TG: variants seen among roughly 807,000 people sequenced by gnomAD.
TG encodes the protein thyroid hormones.
Under a neutral mutation model 324.7 loss-of-function variants are expected in TG, and 270 were observed. The ratio of observed to expected loss-of-function variants is 0.83; its 90% CI spans 0.75 to 0.92. TG has a LOEUF of 0.92. Among genes scored for constraint, TG ranks in the 40% least tolerant of loss-of-function variants. TG has a pLI of 0.00. For synonymous variants in TG, 1,401 were observed against 1,327.0 expected (o/e 1.06, Z -1.21); for missense variants, 3,591 against 3,456.4 (o/e 1.04, Z -0.98).
chr8:133,118,337 T>C (rs1021190162), intron 45 of TG, among the ~76,000 whole-genome samples: 5 of 145,282 alleles, frequency 3.4e-5, no homozygotes, highest in African/African-American at 1.1e-4. Context: ...TTTTTTTTTT[T>C]TTTTTTTGAC....
intron 41 of TG, chr8:133,072,760 A>G (rs1410674282): frequency 6.6e-6 from 1 of 152,218 alleles, no homozygotes; most frequent in Non-Finnish European, 1.5e-5. Flanking sequence ...AGAATGGGGA[A>G]GTTTTCTTCT....
chr8:133,126,280 A>G (rs995314383), intron 45 of TG, among the ~76,000 whole-genome samples: 1 of 152,214 alleles, frequency 6.6e-6, no homozygotes, highest in Non-Finnish European at 1.5e-5. Context: ...AAAATGGAGT[A>G]TCTGCATGGT....
chr8:132,935,899 G>C, intron 25 of TG, 35 bp downstream of exon 25: 1 of 1,553,288 alleles, frequency 6.4e-7, no homozygotes, highest in African/African-American at 1.4e-5. Flanking sequence ...TAGGCCCGCG[G>C]TGGCTTCACA....
intron 41 of TG, chr8:133,049,266 T>C (rs1051276575): frequency 3.1e-5 from 13 of 417,168 alleles, no homozygotes; most frequent in Admixed American, 1.1e-4. Context: ...TACCCATTTT[T>C]CAAGGAAGGC....
intron 35 of TG, among the ~76,000 whole-genome samples, chr8:132,988,245 A>G (rs779235421): frequency 8.5e-5 from 13 of 152,278 alleles, no homozygotes; most frequent in Non-Finnish European, 1.9e-4. Flanking sequence ...AGCACCACAA[A>G]TATATTATGA....
intron 46 of TG, 122 bp downstream of exon 46, chr8:133,132,068 T>C: frequency 1.4e-6 from 2 of 1,464,776 alleles, no homozygotes. Flanking sequence ...GACACTATAA[T>C]CACCAGCCAC....
At chr8:132,930,936 A>G (rs1389813543) in intron 23 of TG, among the ~76,000 whole-genome samples, 1 of 152,238 alleles carries the variant, frequency 6.6e-6, no homozygotes, top group Non-Finnish European at 1.5e-5. Context: ...AGAGCAATCC[A>G]AGACAAGCAG....
intron 18 of TG, among the ~76,000 whole-genome samples, chr8:132,909,297 G>A (rs956694142): frequency 2.0e-5 from 3 of 152,188 alleles, no homozygotes; most frequent in Admixed American, 2.0e-4. Context: ...CTACAAGACT[G>A]GGTAGTAGTT....
chr8:132,960,313 G>T (rs1259219608), intron 27 of TG, among the ~76,000 whole-genome samples: 15 of 152,174 alleles, frequency 9.9e-5, no homozygotes, highest in Non-Finnish European at 4.4e-5. Context: ...CTCTCCTGTA[G>T]CATGGGGCTT....
intron 25 of TG, among the ~76,000 whole-genome samples, chr8:132,937,437 A>T (rs1823768160): frequency 6.6e-6 from 1 of 152,098 alleles, no homozygotes; most frequent in Non-Finnish European, 1.5e-5. Context: ...CTTCACAAAG[A>T]GTTTGCCTGG....
At chr8:133,002,429 T>C (rs946619261) in intron 35 of TG, 2 of 984,372 alleles carry the variant, frequency 2.0e-6, no homozygotes, top group Non-Finnish European at 2.4e-6. Flanking sequence ...ATAAGCCGCC[T>C]CACATCTTTC....
intron 26 of TG, 143 bp from the exon 27 acceptor site, chr8:132,948,633 C>A: frequency 1.0e-6 from 1 of 965,418 alleles, no homozygotes; most frequent in Non-Finnish European, 1.6e-6. Flanking sequence ...AATTTAAAAC[C>A]AGGCTCTTGA....
In TG at chr8:132,883,001, T is replaced by C; in HGVS notation, c.1075+2T>C. On this transcript the variant is annotated splice_donor_variant, in intron 8 of 47. Transcript: ENST00000220616. LOFTEE classifies it high-confidence loss of function. ...AGCAAGGGGAGCCGCCATCTTGTGG[T>C]GGGTTTCCTCTGGGGGCTTCCTCTT... 1 of 1,613,610 alleles carries C rather than the reference T, an allele frequency of 6.2e-7. No individual in the cohort carries two copies. Among genetic ancestry groups the C allele is most frequent in the Non-Finnish European group, 8.5e-7 (1 of 1,179,900 alleles).
chr8:133,004,451 G>C (rs908450844), intron 35 of TG, among the ~76,000 whole-genome samples: 1 of 152,108 alleles, frequency 6.6e-6, no homozygotes, highest in Non-Finnish European at 1.5e-5. Context: ...TAACCTTGGG[G>C]GTGCCTCTGT....
intron 41 of TG, among the ~76,000 whole-genome samples, chr8:133,080,135 T>G (rs1845525074): frequency 2.0e-5 from 3 of 151,778 alleles, no homozygotes; most frequent in Non-Finnish European, 4.4e-5. Context: ...GAGTCCAGAG[T>G]GACTCTGGCA....
chr8:132,948,269 G>C (rs1204761214), intron 26 of TG, among the ~76,000 whole-genome samples: 1 of 139,398 alleles, frequency 7.2e-6, no homozygotes, highest in Non-Finnish European at 1.6e-5. Context: ...GTGCATGTGA[G>C]AGAGCGAGAG....
intron 27 of TG, among the ~76,000 whole-genome samples, chr8:132,955,595 A>G (rs1423464548): frequency 6.6e-6 from 1 of 152,202 alleles, no homozygotes; most frequent in Non-Finnish European, 1.5e-5. Context: ...AATCTGACCA[A>G]TAAATATGTA....
intron 43 of TG, among the ~76,000 whole-genome samples, chr8:133,110,485 A>G (rs1406122914): frequency 6.6e-6 from 1 of 152,244 alleles, no homozygotes; most frequent in Non-Finnish European, 1.5e-5. Flanking sequence ...TAAAAGCAAG[A>G]GAGCCTTCTT....
intron 8 of TG, 81 bp downstream of exon 8, chr8:132,883,080 C>T: frequency 6.7e-7 from 1 of 1,492,638 alleles, no homozygotes; most frequent in Non-Finnish European, 9.1e-7. Flanking sequence ...TCTCTGGACC[C>T]CATTAATTCA....
Sources: allele counts gnomAD v4.1 joint callset (sites outside exome capture counted in the v4.1 genomes callset), GRCh38; gene constraint gnomAD v4.1.1; transcripts MANE v1.5; gene names NCBI Gene and HGNC (gene_info 2026-07-23, HGNC 2026-07-21).